The following ALK variants were observed in gnomAD, a reference collection of about 807,000 sequenced individuals.
ALK encodes the protein ALK receptor tyrosine kinase.
Under a neutral mutation model 163.1 loss-of-function variants are expected in ALK, and 74 were observed. The ratio of observed to expected loss-of-function variants is 0.45; its 90% CI spans 0.38 to 0.55. ALK has a LOEUF of 0.55. ALK is among the 20% of genes least tolerant of loss of function. ALK has a pLI of 0.00. For synonymous variants in ALK, 960 were observed against 843.2 expected (o/e 1.14, Z -2.40); for missense variants, 2,063 against 2,105.3 (o/e 0.98, Z 0.39).
At chr2:29,769,332 G>C (rs563155040) in intron 1 of ALK, among the ~76,000 whole-genome samples, 26 of 152,220 alleles carry the variant, frequency 1.7e-4, no homozygotes, top group Middle Eastern at 3.4e-3. Context: ...TTCATTTCTA[G>C]GCTGACTTTC....
At chr2:29,443,012 G>T (rs746902523) in intron 4 of ALK, among the ~76,000 whole-genome samples, 3 of 152,222 alleles carry the variant, frequency 2.0e-5, no homozygotes, top group Non-Finnish European at 4.4e-5. Flanking sequence ...AGCACGTCCT[G>T]TGTGTCCTGC....
At chr2:29,874,688 A>G (rs1342142617) in intron 1 of ALK, among the ~76,000 whole-genome samples, 1 of 152,246 alleles carries the variant, frequency 6.6e-6, no homozygotes, top group Non-Finnish European at 1.5e-5. Context: ...TCATTTTCAG[A>G]AAATCCCACA....
intron 5 of ALK, among the ~76,000 whole-genome samples, chr2:29,381,572 C>G (rs1261939740): frequency 6.6e-6 from 1 of 152,174 alleles, no homozygotes; most frequent in Non-Finnish European, 1.5e-5. Context: ...CCCTTGTGCT[C>G]CATCTGTGCC....
At chr2:29,260,852 A>C in intron 11 of ALK, among the ~76,000 whole-genome samples, 1 of 145,136 alleles carries the variant, frequency 6.9e-6, no homozygotes, top group African/African-American at 2.8e-5. Context: ...AACAAAACAA[A>C]AAAAAAAACA....
chr2:29,708,247 T>C (rs567796249), intron 2 of ALK, among the ~76,000 whole-genome samples: 2 of 152,222 alleles, frequency 1.3e-5, no homozygotes, highest in South Asian at 4.2e-4. Context: ...TTTTGTAGTT[T>C]TAATAGAGAT....
At chr2:29,683,946 G>A (rs576375837) in intron 3 of ALK, among the ~76,000 whole-genome samples, 9 of 152,226 alleles carry the variant, frequency 5.9e-5, no homozygotes, top group African/African-American at 2.2e-4. Flanking sequence ...GAGCCACAGA[G>A]GTAAAATGAC....
At chr2:29,391,305 T>G (rs867112853) in intron 4 of ALK, among the ~76,000 whole-genome samples, 35,806 of 125,914 alleles carry the variant, frequency 0.28, 5,526 homozygotes, top group East Asian at 0.56. Context: ...CTCTTTTTTT[T>G]GGGGGGGGGG....
At chr2:29,866,227 C>T (rs560252789) in intron 1 of ALK, among the ~76,000 whole-genome samples, 3 of 152,290 alleles carry the variant, frequency 2.0e-5, no homozygotes, top group African/African-American at 7.2e-5. Flanking sequence ...GCCACTTCAT[C>T]CCTCAAGAGA....
chr2:29,909,115 C>T (rs1667629338), intron 1 of ALK, among the ~76,000 whole-genome samples: 1 of 152,192 alleles, frequency 6.6e-6, no homozygotes, highest in Non-Finnish European at 1.5e-5. Flanking sequence ...GATCCCAAAG[C>T]TTATCATATA....
chr2:29,349,229 T>G (rs1221017388), intron 5 of ALK, among the ~76,000 whole-genome samples: 1 of 152,178 alleles, frequency 6.6e-6, no homozygotes, highest in Non-Finnish European at 1.5e-5. Flanking sequence ...GGGTCCTAAT[T>G]ACTGGGAAGC....
At chr2:29,865,840 C>A (rs1553373092) in intron 1 of ALK, among the ~76,000 whole-genome samples, 5 of 152,128 alleles carry the variant, frequency 3.3e-5, no homozygotes, top group Non-Finnish European at 5.9e-5. Context: ...ATTGATATGG[C>A]TTTTATTGTC....
chr2:29,232,498 CT>C (rs751938684), intron 14 of ALK, 50 bp from the exon 15 acceptor site: 1 of 1,612,240 alleles, frequency 6.2e-7, no homozygotes, highest in South Asian at 1.1e-5. Context: ...GTGCTTCCCC[CT>C]GGAGCCCCTA....
chr2:29,223,207 C>T (rs2148170210), intron 20 of ALK, 135 bp downstream of exon 20: 1 of 882,786 alleles, frequency 1.1e-6, no homozygotes, highest in Non-Finnish European at 1.8e-6. Flanking sequence ...AAGGCTTGTC[C>T]TCCTAGGAGG....
chr2:29,668,880 G>T (rs1225909871), intron 3 of ALK, among the ~76,000 whole-genome samples: 1 of 152,046 alleles, frequency 6.6e-6, no homozygotes. Flanking sequence ...TTGGTGGCAG[G>T]CAAGAGAGAG....
At chr2:29,789,761 T>C (rs1012356870) in intron 1 of ALK, among the ~76,000 whole-genome samples, 1 of 152,206 alleles carries the variant, frequency 6.6e-6, no homozygotes, top group African/African-American at 2.4e-5. Context: ...AAATCATTGA[T>C]GTGGGGAGGT....
intron 4 of ALK, among the ~76,000 whole-genome samples, chr2:29,406,148 A>G (rs1669575986): frequency 6.6e-6 from 1 of 152,188 alleles, no homozygotes; most frequent in Non-Finnish European, 1.5e-5. Flanking sequence ...CTCCATCCCT[A>G]TTACTGATGA....
intron 25 of ALK, 32 bp from the exon 26 acceptor site, chr2:29,207,304 A>G (rs1298327840): frequency 1.3e-6 from 2 of 1,539,778 alleles, no homozygotes; most frequent in African/African-American, 2.7e-5. Flanking sequence ...CCAAACTAGG[A>G]TCTGGAGATG....
chr2:29,409,289 G>C (rs931977872), intron 4 of ALK, among the ~76,000 whole-genome samples: 5 of 152,156 alleles, frequency 3.3e-5, no homozygotes, highest in Non-Finnish European at 7.3e-5. Context: ...CGAGAAGAGA[G>C]TGTTCTCTAA....
chr2:29,217,263 GTGT>G (rs960457092), intron 23 of ALK, among the ~76,000 whole-genome samples: 4 of 148,748 alleles, frequency 2.7e-5, no homozygotes, highest in Non-Finnish European at 5.9e-5. Context: ...CGTGTGTGGT[GTGT>G]TTTTTGTGTG....
Sources: allele counts gnomAD v4.1 joint callset (sites outside exome capture counted in the v4.1 genomes callset), GRCh38; gene constraint gnomAD v4.1.1; transcripts MANE v1.5; gene names NCBI Gene and HGNC (gene_info 2026-07-23, HGNC 2026-07-21).